The following MAGI3 variants were observed in gnomAD, a reference collection of about 807,000 sequenced individuals.
The protein encoded by MAGI3 is membrane-associated guanylate kinase, WW and PDZ domain-containing protein 3.
In MAGI3, 43 loss-of-function variants were observed where a neutral mutation model predicts 121.8. That is an observed-to-expected ratio of 0.35 (90% CI 0.28 to 0.46). The LOEUF is 0.46. Ranked by LOEUF, MAGI3 falls within the 20% of genes least tolerant of loss-of-function variation. The pLI is 1.00. For missense variants in MAGI3, 1,547 were observed against 1,797.3 expected (o/e 0.86, Z 2.52); for synonymous variants, 553 against 639.3 (o/e 0.86, Z 2.04).
At chr1:113,602,016 G>C (rs1005003250) in intron 6 of MAGI3, among the ~76,000 whole-genome samples, 15 of 151,994 alleles carry the variant, frequency 9.9e-5, no homozygotes, top group African/African-American at 3.4e-4. Flanking sequence ...GGTTGGAACT[G>C]AACAATGAGA....
intron 19 of MAGI3, among the ~76,000 whole-genome samples, chr1:113,678,264 A>G (rs1271520360): frequency 6.6e-6 from 1 of 152,114 alleles, no homozygotes; most frequent in Non-Finnish European, 1.5e-5. Context: ...ATCTACTTTA[A>G]TTTTCTTTAT....
chr1:113,454,325 C>T (rs12739961), intron 1 of MAGI3, among the ~76,000 whole-genome samples: 24,111 of 152,028 alleles, frequency 0.16, 2,222 homozygotes, highest in Non-Finnish European at 0.2. Context: ...ACTTTTTACC[C>T]ATAAGAGGCA....
rs542380932 is a variant in MAGI3, at chr1:113,672,673, T to A, written c.2977T>A (p.Ser993Thr). The change falls in exon 18 of 21, where the codon TCA becomes ACA. Residue 993 changes from serine to threonine, a missense_variant. Transcript: ENST00000307546. The stretch of plus-strand genomic sequence containing the variant: ...CTCCACTTCTTACAGACATTCTTGG[T>A]CAGACCACAAGCACCTTGCACAGCC... ...DVSTSYRHSW[S>T]DHKHLAQPDT... 6 of 1,614,126 alleles carry A rather than the reference T, an allele frequency of 3.7e-6. No individual in the cohort carries two copies. The South Asian group carries it at 6.6e-5, about 18-fold the overall frequency.
At position 113,562,387 on chromosome 1, in the gene MAGI3, C is replaced by A. The variant is rs892086848; in HGVS notation, c.433+12756C>A. On this transcript the variant is annotated intron_variant, in intron 2 of 20. Coordinates refer to ENST00000307546, the MANE Select transcript of MAGI3 (RefSeq NM_001142782.2). ...CACTGCACTCTAGCCTGGGAGACCG[C>A]GAGACTCCATCTCAAAAAAAAAGAA... Among the ~76,000 whole-genome samples, 5 of 151,564 alleles carry A rather than the reference C, an allele frequency of 3.3e-5. 1 individual carries two copies.
At chr1:113,428,662 T>C (rs1276759765) in intron 1 of MAGI3, among the ~76,000 whole-genome samples, 1 of 152,238 alleles carries the variant, frequency 6.6e-6, no homozygotes, top group Non-Finnish European at 1.5e-5. Context: ...AATATTAACA[T>C]GTAATCAATA....
chr1:113,609,838 A>T (rs991188881), intron 6 of MAGI3, among the ~76,000 whole-genome samples: 1 of 152,212 alleles, frequency 6.6e-6, no homozygotes, highest in Non-Finnish European at 1.5e-5. Context: ...CTTTGGCTTC[A>T]TACACAGGAA....
In MAGI3 at chr1:113,617,909, A is replaced by G. The variant is rs1052119831; in HGVS notation, c.1077-1827A>G. ...ATACTTGAGTGTCAGTGAAATCAGAACCCAAACAATGTCCAGTGGCACTTA... is the reference window on the plus strand; with the variant it reads ...ATACTTGAGTGTCAGTGAAATCAGAGCCCAAACAATGTCCAGTGGCACTTA... On this transcript the variant is annotated intron_variant, in intron 7 of 20. Coordinates refer to ENST00000307546, the MANE Select transcript of MAGI3 (RefSeq NM_001142782.2). 8.5e-5 allele frequency among the ~76,000 whole-genome samples: 13 copies of G among 152,320 alleles called. No homozygotes were observed. In the South Asian group the frequency reaches 2.3e-3, roughly 27 times the overall value.
At chr1:113,455,381 T>C (rs1458547010) in intron 1 of MAGI3, among the ~76,000 whole-genome samples, 2 of 152,004 alleles carry the variant, frequency 1.3e-5, no homozygotes, top group African/African-American at 4.8e-5. Context: ...AATAGAAGAC[T>C]GTGATTATGT....
At chr1:113,397,630 T>C (rs1651186084) in intron 1 of MAGI3, among the ~76,000 whole-genome samples, 1 of 152,156 alleles carries the variant, frequency 6.6e-6, no homozygotes, top group African/African-American at 2.4e-5. Context: ...ATAGAATAAT[T>C]GGAAAATAGA....
intron 9 of MAGI3, among the ~76,000 whole-genome samples, chr1:113,624,693 A>T (rs918352632): frequency 6.6e-6 from 1 of 152,296 alleles, no homozygotes; most frequent in African/African-American, 2.4e-5. Context: ...TTCCTTTGCT[A>T]TGCAGAAGCT....
chr1:113,536,209 A>G (rs1175998742), intron 1 of MAGI3, among the ~76,000 whole-genome samples: 3 of 151,908 alleles, frequency 2.0e-5, no homozygotes. Flanking sequence ...GATATAATCA[A>G]ATTTCTACTT....
At chr1:113,473,255 T>C (rs1399188524) in intron 1 of MAGI3, among the ~76,000 whole-genome samples, 1 of 152,124 alleles carries the variant, frequency 6.6e-6, no homozygotes, top group Non-Finnish European at 1.5e-5. Context: ...CTTCCAGTAC[T>C]TTATTTATTT....
chr1:113,428,410 T>A (rs1040501682), intron 1 of MAGI3, among the ~76,000 whole-genome samples: 2 of 152,204 alleles, frequency 1.3e-5, no homozygotes, highest in African/African-American at 4.8e-5. Flanking sequence ...TCACCACATT[T>A]GCAGTATTGC....
chr1:113,644,533 G>A (rs12144215), intron 11 of MAGI3, among the ~76,000 whole-genome samples: 46 of 151,932 alleles, frequency 3.0e-4, no homozygotes, highest in Non-Finnish European at 5.4e-4. Flanking sequence ...TGCCCGCCTC[G>A]GCCTCCCAAA....
In MAGI3 at chr1:113,580,530, C is replaced by CT; in HGVS notation, c.434-6dup. ...TACTTTACAACCTACTTTTTTTTTTCTTTTTTCTTAGGCACTACAAGGGCC... is the reference window on the plus strand; with the variant it reads ...TACTTTACAACCTACTTTTTTTTTTCTTTTTTTCTTAGGCACTACAAGGGCC... On this transcript the variant is annotated splice_polypyrimidine_tract_variant and intron_variant, in intron 2 of 20. Transcript: ENST00000307546. 1 of 1,544,330 alleles carries CT rather than the reference C, an allele frequency of 6.5e-7. No individual in the cohort carries two copies. Among genetic ancestry groups the CT allele is most frequent in the Admixed American group, 2.1e-5 (1 of 47,016 alleles).
chr1:113,507,813 A>C (rs1384057039), intron 1 of MAGI3, among the ~76,000 whole-genome samples: 1 of 152,208 alleles, frequency 6.6e-6, no homozygotes, highest in Non-Finnish European at 1.5e-5. Flanking sequence ...AAAGAAAGAC[A>C]GGTTTGCTTT....
chr1:113,397,978 C>G (rs1455444254), intron 1 of MAGI3, among the ~76,000 whole-genome samples: 1 of 152,164 alleles, frequency 6.6e-6, no homozygotes, highest in Non-Finnish European at 1.5e-5. Flanking sequence ...GTTACAGCCA[C>G]AGCCGACTGG....
intron 9 of MAGI3, among the ~76,000 whole-genome samples, chr1:113,633,551 G>A (rs1370705864): frequency 5.3e-5 from 8 of 152,008 alleles, no homozygotes; most frequent in African/African-American, 1.2e-4. Context: ...GTGAGCCACC[G>A]CGCCCAGCCG....
chr1:113,524,328 C>A (rs1658354905), intron 1 of MAGI3, among the ~76,000 whole-genome samples: 1 of 151,880 alleles, frequency 6.6e-6, no homozygotes, highest in Admixed American at 6.6e-5. Context: ...TCCTCCAGAC[C>A]CCAGAATGGT....
Sources: allele counts gnomAD v4.1 joint callset (sites outside exome capture counted in the v4.1 genomes callset), GRCh38; gene constraint gnomAD v4.1.1; transcripts MANE v1.5; gene names NCBI Gene and HGNC (gene_info 2026-07-23, HGNC 2026-07-21).